The following BLOC1S3 variants were observed in gnomAD, a reference collection of about 807,000 sequenced individuals.
BLOC1S3 encodes biogenesis of lysosomal organelles complex 1 subunit 3, also known as biogenesis of lysosome-related organelles complex 1 subunit 3.
Under a neutral mutation model 9.1 loss-of-function variants are expected in BLOC1S3, and 7 were observed. The observed-to-expected ratio is 0.77, with a 90% CI of 0.44 to 1.45. The LOEUF (loss-of-function observed/expected upper bound fraction) is 1.45. Among genes scored for constraint, BLOC1S3 ranks in the 40% most tolerant of loss-of-function variants. The pLI is 0.01. For missense variants in BLOC1S3, 307 were observed against 315.2 expected, an observed-to-expected ratio of 0.97 and a Z score of 0.20; for synonymous variants, 145 against 158.4, an observed-to-expected ratio of 0.92 and a Z score of 0.64.
At chr19:45,196,236 G>A (rs916570786) in intron 2 of BLOC1S3, among the ~76,000 whole-genome samples, 1 of 151,952 alleles carries the variant, frequency 6.6e-6, no homozygotes, top group Non-Finnish European at 1.5e-5. Context: ...CTGTTGCCCA[G>A]GCATGGTGGC....
In BLOC1S3 at chr19:45,179,688, T is replaced by C. The variant is rs1045725864; in HGVS notation, c.392T>C (p.Val131Ala). 2.0e-6 allele frequency: 3 copies of C among 1,465,398 alleles called. No individual in the cohort carries two copies. Among genetic ancestry groups the C allele is most frequent in the African/African-American group, 1.5e-5 (1 of 67,780 alleles). 90.8% of individuals were successfully genotyped at this position (1,465,398 alleles called of 1,614,324 possible). The part of the protein sequence containing the change: ...DHDVAAAVSG[V>A]YRRAGRDVAA... ...GACGTGGCGGCCGCCGTGAGCGGTG[T>C]CTACCGCCGTGCAGGCCGCGACGTG... The change falls in exon 2 of 2, where the codon GTC (valine) becomes GCC (alanine). Residue 131 changes from valine to alanine, a missense_variant. Transcript: ENST00000433642. This position sits in a 1 kb window ranked among gnomAD's most constrained non-coding sequence, Gnocchi z 4.6.
intron 2 of BLOC1S3, among the ~76,000 whole-genome samples, chr19:45,191,118 A>G (rs776776416): frequency 3.1e-5 from 4 of 130,126 alleles, no homozygotes; most frequent in Non-Finnish European, 4.9e-5. Context: ...TTTATTTTTT[A>G]TTTTATTTTT....
downstream of BLOC1S3, among the ~76,000 whole-genome samples, chr19:45,183,623 CTTTTTT>C (rs57651816): frequency 3.8e-5 from 4 of 105,112 alleles, no homozygotes; most frequent in African/African-American, 1.2e-4. Flanking sequence ...CTTTTCTTTT[CTTTTTT>C]TTTTTTTTTT....
intron 3 of BLOC1S3, chr19:45,215,970 C>T (rs754043192): frequency 8.7e-6 from 13 of 1,500,740 alleles, no homozygotes; most frequent in African/African-American, 5.6e-5. Context: ...ACACGCTCAC[C>T]GGCTCCCTCC....
intron 3 of BLOC1S3, among the ~76,000 whole-genome samples, chr19:45,210,500 C>T (rs756945438): frequency 1.3e-4 from 20 of 151,140 alleles, no homozygotes; most frequent in Non-Finnish European, 2.2e-4. Flanking sequence ...GGTTTCTCCA[C>T]GTTGGCCAGG....
intron 2 of BLOC1S3, among the ~76,000 whole-genome samples, chr19:45,189,503 C>G (rs12977308): frequency 0.37 from 54,942 of 149,858 alleles, 11,040 homozygotes; most frequent in Admixed American, 0.44. Context: ...TGCGATCTCA[C>G]CTCACCACAA....
chr19:45,184,439 C>T (rs1172736362), downstream of BLOC1S3, among the ~76,000 whole-genome samples: 1 of 152,050 alleles, frequency 6.6e-6, no homozygotes, highest in African/African-American at 2.4e-5. Flanking sequence ...GACCCCATCT[C>T]TACAAAAAAT....
chr19:45,199,350 T>A (rs1315589766), intron 2 of BLOC1S3, among the ~76,000 whole-genome samples: 1 of 135,768 alleles, frequency 7.4e-6, no homozygotes, highest in African/African-American at 2.8e-5. Context: ...GGAGTCTTGC[T>A]CTGTCTCCAG....
chr19:45,180,076 T>C lies in BLOC1S3; in HGVS notation c.*171T>C, dbSNP rs1969495121. Reference sequence around the variant, plus strand: ...GATAATGCTTTATATTGGATATAGTTCAACCCCTACTGCGGAGACCAGGGC... The same window carrying C: ...GATAATGCTTTATATTGGATATAGTCCAACCCCTACTGCGGAGACCAGGGC... On this transcript the variant is annotated 3_prime_UTR_variant, in exon 2 of 2. Coordinates refer to ENST00000433642, the MANE Select transcript of BLOC1S3 (RefSeq NM_212550.5). 1 of 704,228 alleles carries C rather than the reference T, an allele frequency of 1.4e-6. No homozygotes were observed. The highest frequency in any genetic ancestry group is 2.3e-6 in the Non-Finnish European group (1 of 440,104). The allele number at this position is 704,228 out of a possible 1,614,324, so 43.6% of individuals were successfully genotyped here.
chr19:45,183,774 G>A (rs569750852), downstream of BLOC1S3, among the ~76,000 whole-genome samples: 4 of 151,584 alleles, frequency 2.6e-5, no homozygotes, highest in South Asian at 4.2e-4. Flanking sequence ...TTATAGGCAC[G>A]TGCCACCATG....
intron 2 of BLOC1S3, among the ~76,000 whole-genome samples, chr19:45,201,646 T>A (rs1460730527): frequency 6.6e-6 from 1 of 152,172 alleles, no homozygotes; most frequent in Non-Finnish European, 1.5e-5. Context: ...GGAATCTACC[T>A]GGTGCTCTAT....
At chr19:45,190,078 T>C (rs533749719) in intron 2 of BLOC1S3, among the ~76,000 whole-genome samples, 45 of 151,926 alleles carry the variant, frequency 3.0e-4, no homozygotes, top group East Asian at 2.3e-3. Context: ...CTCAAGCTCC[T>C]AGGCTCCAGT....
At chr19:45,206,894 G>C (rs1357688578) in intron 3 of BLOC1S3, among the ~76,000 whole-genome samples, 1 of 152,084 alleles carries the variant, frequency 6.6e-6, no homozygotes, top group African/African-American at 2.4e-5. Flanking sequence ...CTGGAGAGCA[G>C]TGGCACGACC....
intron 2 of BLOC1S3, among the ~76,000 whole-genome samples, chr19:45,189,705 G>A (rs745760540): frequency 1.3e-5 from 2 of 151,738 alleles, no homozygotes; most frequent in African/African-American, 4.8e-5. Context: ...CAAAGTGTTG[G>A]GATTACAGGC....
intron 3 of BLOC1S3, among the ~76,000 whole-genome samples, chr19:45,214,619 C>T (rs1332387557): frequency 5.3e-5 from 8 of 151,934 alleles, no homozygotes; most frequent in African/African-American, 1.9e-4. Flanking sequence ...AGTGTGCCAT[C>T]ACACCTGGCT....
chr19:45,206,625 T>A (rs1181097937), intron 3 of BLOC1S3, among the ~76,000 whole-genome samples: 1 of 52,256 alleles, frequency 1.9e-5, no homozygotes, highest in Non-Finnish European at 3.1e-5. Context: ...CTAGTTAAAT[T>A]TTTTTTTTTT....
chr19:45,206,868 A>C (rs1055011774), intron 3 of BLOC1S3, among the ~76,000 whole-genome samples: 2 of 151,190 alleles, frequency 1.3e-5, no homozygotes, highest in Non-Finnish European at 2.9e-5. Flanking sequence ...TGAGAGTTTC[A>C]CTCTTGTCAC....
chr19:45,213,199 C>CGG, intron 3 of BLOC1S3: 1 of 1,607,584 alleles, frequency 6.2e-7, no homozygotes, highest in South Asian at 1.1e-5. Flanking sequence ...GAAAGATGGG[C>CGG]GGGGCACAGG....
chr19:45,207,537 C>A (rs956250278), intron 3 of BLOC1S3, among the ~76,000 whole-genome samples: 1 of 120,302 alleles, frequency 8.3e-6, no homozygotes. Context: ...GTGTGGGTGA[C>A]AGAGCGAGAC....
Sources: gnomAD v4.1 joint callset for allele counts (sites outside exome capture counted in the v4.1 genomes callset) on GRCh38, gnomAD v4.1.1 for gene constraint, Gnocchi (gnomAD v3.1) non-coding constraint, MANE v1.5 for transcripts, NCBI Gene and HGNC (gene_info 2026-07-23, HGNC 2026-07-21) for gene names.